The following SORCS1 variants were observed in gnomAD, a reference collection of about 807,000 sequenced individuals.
SORCS1 encodes the protein VPS10 domain-containing receptor SorCS1.
SORCS1 carries 60 observed loss-of-function variants against 146.1 expected under a neutral mutation model. The ratio of observed to expected loss-of-function variants is 0.41; its 90% CI spans 0.33 to 0.51. SORCS1 has a LOEUF of 0.51. Among genes scored for constraint, SORCS1 ranks in the 20% least tolerant of loss-of-function variants. The probability of loss-of-function intolerance (pLI) is 0.21; values close to 1 mark genes in which losing one functional copy is unlikely to be tolerated. For synonymous variants in SORCS1, 637 were observed against 584.0 expected (o/e 1.09, Z -1.31); for missense variants, 1,352 against 1,487.6 (o/e 0.91, Z 1.50).
At chr10:106,774,093 C>T (rs1033588799) in intron 4 of SORCS1, among the ~76,000 whole-genome samples, 1 of 152,120 alleles carries the variant, frequency 6.6e-6, no homozygotes, top group Admixed American at 6.5e-5. Context: ...TGGCCTCATA[C>T]AGAAAAACAA....
chr10:106,793,848 G>A (rs1946423541), intron 3 of SORCS1, among the ~76,000 whole-genome samples: 1 of 152,134 alleles, frequency 6.6e-6, no homozygotes, highest in African/African-American at 2.4e-5. Flanking sequence ...CCTCTTTAAG[G>A]ATCTAACAGG....
chr10:106,622,573 A>G (rs1049189621), intron 19 of SORCS1, among the ~76,000 whole-genome samples: 115 of 152,346 alleles, frequency 7.5e-4, no homozygotes, highest in African/African-American at 2.6e-3. Context: ...TGATCAGCAT[A>G]CAGAATCAAA....
intron 2 of SORCS1, among the ~76,000 whole-genome samples, chr10:106,862,491 A>G (rs1189612049): frequency 3.9e-5 from 6 of 152,140 alleles, no homozygotes; most frequent in Non-Finnish European, 8.8e-5. Flanking sequence ...TCTCTCTTCA[A>G]TGTTTTTTTT....
intron 5 of SORCS1, 70 bp downstream of exon 5, chr10:106,761,518 A>T (rs947033172): frequency 7.4e-7 from 1 of 1,353,952 alleles, no homozygotes; most frequent in African/African-American, 1.4e-5. Context: ...ACAAGATTCC[A>T]ATGGGCATTT....
chr10:106,786,618 A>C (rs971874538), intron 3 of SORCS1, among the ~76,000 whole-genome samples: 1 of 152,018 alleles, frequency 6.6e-6, no homozygotes, highest in Admixed American at 6.6e-5. Flanking sequence ...GCCAGACTTA[A>C]TGGGAGGAAA....
intron 1 of SORCS1, among the ~76,000 whole-genome samples, chr10:107,134,724 G>A (rs983205724): frequency 2.0e-5 from 3 of 152,148 alleles, no homozygotes; most frequent in Non-Finnish European, 4.4e-5. Flanking sequence ...ATGAGAAATC[G>A]GACAAGTCAG....
At chr10:106,688,151 C>T (rs2135633097) in intron 10 of SORCS1, 41 bp downstream of exon 10, 2 of 1,601,204 alleles carry the variant, frequency 1.2e-6, no homozygotes, top group South Asian at 1.1e-5. Context: ...ATTTCCATCC[C>T]TCTACTGTGT....
intron 1 of SORCS1, among the ~76,000 whole-genome samples, chr10:107,072,206 C>G (rs1962487390): frequency 6.6e-6 from 1 of 152,234 alleles, no homozygotes; most frequent in Non-Finnish European, 1.5e-5. Flanking sequence ...CTTCCTGAAG[C>G]ACCCTCTGCT....
At chr10:106,619,393 A>G (rs772394924) in intron 20 of SORCS1, among the ~76,000 whole-genome samples, 7 of 152,236 alleles carry the variant, frequency 4.6e-5, no homozygotes, top group Non-Finnish European at 7.3e-5. Flanking sequence ...GCAAAATTAT[A>G]TCTCCAGCTA....
At chr10:107,174,024 A>C in the SORCS1 span, among the ~76,000 whole-genome samples, 6 of 152,314 alleles carry the variant, frequency 3.9e-5, no homozygotes, top group African/African-American at 1.4e-4. Flanking sequence ...AACTTCTAGG[A>C]ATGATGGACT....
At chr10:106,801,343 T>G (rs1456342644) in intron 3 of SORCS1, among the ~76,000 whole-genome samples, 1 of 152,106 alleles carries the variant, frequency 6.6e-6, no homozygotes, top group East Asian at 1.9e-4. Flanking sequence ...TAAGAAAAAT[T>G]TCTAAATGTG....
intron 2 of SORCS1, among the ~76,000 whole-genome samples, chr10:106,838,047 C>A (rs187790004): frequency 6.6e-6 from 1 of 152,160 alleles, no homozygotes; most frequent in South Asian, 2.1e-4. Flanking sequence ...GCGCCCTGGG[C>A]ACAGTAGGCA....
intron 2 of SORCS1, among the ~76,000 whole-genome samples, chr10:106,871,198 TAACAG>T (rs1950395415): frequency 6.6e-6 from 1 of 152,112 alleles, no homozygotes; most frequent in Non-Finnish European, 1.5e-5. Flanking sequence ...AGTCAACAAA[TAACAG>T]ATGCTGGCAA....
chr10:107,010,953 A>G (rs535569653), intron 1 of SORCS1, among the ~76,000 whole-genome samples: 62 of 152,318 alleles, frequency 4.1e-4, no homozygotes, highest in African/African-American at 1.4e-3. Flanking sequence ...CAGAAAATGC[A>G]TAAGTCAACT....
At chr10:106,759,644 ATTCCCATGGAC>A (rs1251509087) in intron 5 of SORCS1, among the ~76,000 whole-genome samples, 21 of 152,274 alleles carry the variant, frequency 1.4e-4, no homozygotes, top group Non-Finnish European at 2.2e-4. Context: ...TTACCCACCC[ATTCCCATGGAC>A]ACAGCCACCT....
At chr10:106,751,788 T>C (rs113968434) in intron 5 of SORCS1, among the ~76,000 whole-genome samples, 70 of 152,350 alleles carry the variant, frequency 4.6e-4, no homozygotes, top group African/African-American at 1.6e-3. Context: ...GATTTACATG[T>C]GTACATGTAC....
intron 10 of SORCS1, among the ~76,000 whole-genome samples, chr10:106,682,750 T>A (rs531664450): frequency 2.0e-5 from 3 of 152,280 alleles, no homozygotes; most frequent in Admixed American, 2.0e-4. Flanking sequence ...AGTACCTACA[T>A]ATGCTAATAG....
rs184498257 is a variant in SORCS1, at chr10:106,745,855, T to A, written c.959+15733A>T. 5.3e-5 allele frequency among the ~76,000 whole-genome samples: 8 copies of A among 152,330 alleles called. 1 individual carries two copies. The highest frequency in any genetic ancestry group is 1.9e-4 in the African/African-American group (8 of 41,568). ...CTTCACCAAGTGATCAAAGTTAACATCATCAGTAATAAGACATATTGATAT... is the reference window on the plus strand; with the variant it reads ...CTTCACCAAGTGATCAAAGTTAACAACATCAGTAATAAGACATATTGATAT... On this transcript the variant is annotated intron_variant, in intron 5 of 25. Coordinates refer to ENST00000263054, the MANE Select transcript of SORCS1 (RefSeq NM_052918.5).
At chr10:107,151,074 T>C (rs977520385) in intron 1 of SORCS1, among the ~76,000 whole-genome samples, 1 of 152,026 alleles carries the variant, frequency 6.6e-6, no homozygotes, top group African/African-American at 2.4e-5. Context: ...CTGGAACAGT[T>C]TGGAGGGCTC....
Sources: allele counts gnomAD v4.1 joint callset (sites outside exome capture counted in the v4.1 genomes callset), GRCh38; gene constraint gnomAD v4.1.1; transcripts MANE v1.5; gene names NCBI Gene and HGNC (gene_info 2026-07-23, HGNC 2026-07-21).